The following PRMT8 variants were observed in gnomAD, a reference collection of about 807,000 sequenced individuals.
PRMT8 encodes protein arginine methyltransferase 8.
In PRMT8, 7 loss-of-function variants were observed where a neutral mutation model predicts 47.1. The observed-to-expected ratio is 0.15, with a 90% CI of 0.08 to 0.28. The LOEUF (loss-of-function observed/expected upper bound fraction) is 0.28, where lower values mean the gene tolerates loss of function less well. PRMT8 is among the 10% of genes least tolerant of loss of function. PRMT8 has a pLI of 1.00. For synonymous variants in PRMT8, 188 were observed against 186.5 expected (o/e 1.01, Z -0.07); for missense variants, 237 against 505.4 (o/e 0.47, Z 5.09).
chr12:3,405,563 C>A (rs531430578), intron 1 of PRMT8, among the ~76,000 whole-genome samples: 4 of 152,230 alleles, frequency 2.6e-5, no homozygotes, highest in Non-Finnish European at 5.9e-5. Context: ...AAGTTAGTTA[C>A]TTTGTAGATA....
chr12:3,578,770 C>T (rs567576416), intron 7 of PRMT8, among the ~76,000 whole-genome samples: 1 of 152,290 alleles, frequency 6.6e-6, no homozygotes, highest in South Asian at 2.1e-4. Flanking sequence ...GTCCTGGACA[C>T]AAGCCTTGCT....
At chr12:3,398,249 T>C (rs1487642023) in intron 1 of PRMT8, among the ~76,000 whole-genome samples, 1 of 152,174 alleles carries the variant, frequency 6.6e-6, no homozygotes, top group Non-Finnish European at 1.5e-5. Flanking sequence ...TTGGATTTTA[T>C]ACTGCAGGTA....
chr12:3,383,733 G>A (rs889505585), intron 1 of PRMT8, among the ~76,000 whole-genome samples: 2 of 152,124 alleles, frequency 1.3e-5, no homozygotes, highest in Admixed American at 6.5e-5. Flanking sequence ...TGTTTTACCC[G>A]CTCTAGGGCA....
intron 4 of PRMT8, among the ~76,000 whole-genome samples, chr12:3,560,705 A>C (rs769834549): frequency 2.0e-5 from 3 of 152,194 alleles, no homozygotes; most frequent in Admixed American, 6.5e-5. Flanking sequence ...CTTTTGCATG[A>C]CCTAAAGCAT....
intron 7 of PRMT8, among the ~76,000 whole-genome samples, chr12:3,577,887 A>C (rs546858882): frequency 2.6e-5 from 4 of 152,260 alleles, no homozygotes; most frequent in Admixed American, 6.5e-5. Flanking sequence ...TATTATTAAA[A>C]ATTCAAACAT....
At chr12:3,513,327 T>C (rs1057348188) in intron 1 of PRMT8, among the ~76,000 whole-genome samples, 1 of 152,214 alleles carries the variant, frequency 6.6e-6, no homozygotes, top group Non-Finnish European at 1.5e-5. Flanking sequence ...TGCAGACCCC[T>C]GACACCTAAA....
At position 3,464,773 on chromosome 12, in the gene PRMT8, C is replaced by G. The variant is rs370035869; in HGVS notation, c.49-75833C>G. Among the ~76,000 whole-genome samples, 7 of 152,252 alleles carry G rather than the reference C, an allele frequency of 4.6e-5. 1 individual carries two copies. The highest frequency in any genetic ancestry group is 1.3e-4 in the Admixed American group (2 of 15,290). ...ACTCAACTGTATCAACCAATCAGAA[C>G]TAAGCAAGTTTCAATCTTTCATTCG... On this transcript the variant is annotated intron_variant, in intron 1 of 9. Coordinates refer to the PRMT8 transcript ENST00000452611.
Position 3,425,929 on chromosome 12 carries a change from G to A in PRMT8, c.48+44487G>A, listed in dbSNP as rs1256431661. 4.6e-5 allele frequency among the ~76,000 whole-genome samples: 7 copies of A among 152,368 alleles called. No individual in the cohort carries two copies. The East Asian group carries it at 1.3e-3, about 29-fold the overall frequency. ...GCTCTTGAAAATTCTTAAGCTCACT[G>A]CATCCCTTCAGGTCTCCAAGGAACG... is the stretch of plus-strand genomic sequence containing the variant. On this transcript the variant is annotated intron_variant, in intron 1 of 9. Coordinates refer to the PRMT8 transcript ENST00000452611.
rs143772293 is a variant in PRMT8 at position 3,580,337 on chromosome 12, C to CAT, written c.829-2721_829-2720insAT. The stretch of plus-strand genomic sequence containing the variant: ...TCCTGCCAGATGGGGGGTGCGTGTG[C>CAT]GTGTGTGTGTGTGTGTGTGTGTGTG... On this transcript the variant is annotated intron_variant, in intron 7 of 9. Transcript: ENST00000382622. The surrounding 1 kb of genome is among the most constrained non-coding windows in gnomAD (Gnocchi z 4.6). 1.4e-5 allele frequency among the ~76,000 whole-genome samples: 2 copies of CAT among 145,538 alleles called. No individual in the cohort carries two copies. The highest frequency in any genetic ancestry group is 3.0e-5 in the Non-Finnish European group (2 of 65,892).
chr12:3,448,280 C>T (rs554857529), intron 1 of PRMT8, among the ~76,000 whole-genome samples: 1 of 152,308 alleles, frequency 6.6e-6, no homozygotes, highest in South Asian at 2.1e-4. Flanking sequence ...GTTGGAATTA[C>T]AGGCGTGAGC....
In PRMT8 at chr12:3,436,271, C is replaced by T. The variant is rs535954875; in HGVS notation, c.48+54829C>T. Among the ~76,000 whole-genome samples the T allele has an allele frequency of 5.3e-5, 8 of 152,140 alleles. No homozygotes were observed. Among genetic ancestry groups the T allele is most frequent in the Admixed American group, 1.3e-4 (2 of 15,276 alleles). On this transcript the variant is annotated intron_variant, in intron 1 of 9. Coordinates refer to the PRMT8 transcript ENST00000452611. This position sits in a 1 kb window ranked among gnomAD's most constrained non-coding sequence, Gnocchi z 4.2. ...TTTAGTTTTTCCTGTTGCATAGCTC[C>T]GTCACCTTCGTTTTTGACACTCACT...
intron 7 of PRMT8, among the ~76,000 whole-genome samples, chr12:3,581,852 G>A (rs1272541106): frequency 1.3e-5 from 2 of 152,196 alleles, no homozygotes; most frequent in Non-Finnish European, 2.9e-5. Context: ...TGTGGAGTTA[G>A]GACTTCTCTT....
chr12:3,471,673 T>C (rs1217079339), intron 1 of PRMT8, among the ~76,000 whole-genome samples: 1 of 151,802 alleles, frequency 6.6e-6, no homozygotes, highest in South Asian at 2.1e-4. Flanking sequence ...TTTTAGCCTC[T>C]AGTCACACGA....
chr12:3,523,940 G>A (rs1349683553), intron 1 of PRMT8, among the ~76,000 whole-genome samples: 3 of 152,168 alleles, frequency 2.0e-5, no homozygotes, highest in East Asian at 1.9e-4. Context: ...CATCCTAAAC[G>A]TTACTGATGA....
intron 1 of PRMT8, among the ~76,000 whole-genome samples, chr12:3,529,000 T>C (rs1332759883): frequency 6.6e-6 from 1 of 152,230 alleles, no homozygotes; most frequent in African/African-American, 2.4e-5. Context: ...GAAGTCCCTG[T>C]GTCTTTTCAG....
intron 1 of PRMT8, among the ~76,000 whole-genome samples, chr12:3,457,145 G>C (rs1214846687): frequency 6.6e-6 from 1 of 152,212 alleles, no homozygotes; most frequent in Non-Finnish European, 1.5e-5. Flanking sequence ...CAGCAGCAGT[G>C]TCTGAGTGAG....
chr12:3,490,675 A>AAGAGAGAGAGAGAGAGAGAGAG (rs370069857), upstream of PRMT8, among the ~76,000 whole-genome samples: 431 of 121,090 alleles, frequency 3.6e-3, 8 homozygotes, highest in Non-Finnish European at 4.9e-3. Flanking sequence ...TTTGGGTACA[A>AAGAGAGAGAGAGAGAGAGAGAG]AGAGAGAGAG....
chr12:3,519,133 C>T lies in PRMT8; in HGVS notation c.76-21473C>T, dbSNP rs560595810. 5.3e-5 allele frequency among the ~76,000 whole-genome samples: 8 copies of T among 151,982 alleles called. No individual in the cohort carries two copies. The East Asian group carries it at 7.8e-4, about 15-fold the overall frequency. ...TGGCAGAACTGTCCGTCTTTGCAGA[C>T]GGACAGAGGGGAGCCAGGGCCCAGC... is the stretch of plus-strand genomic sequence containing the variant. On this transcript the variant is annotated intron_variant, in intron 1 of 9. Transcript: ENST00000382622.
At chr12:3,441,121 A>G (rs1268647435) in intron 1 of PRMT8, among the ~76,000 whole-genome samples, 2 of 152,246 alleles carry the variant, frequency 1.3e-5, no homozygotes, top group Non-Finnish European at 2.9e-5. Context: ...TAACTCCAGC[A>G]TGTAAAAAAT....
Sources: allele counts gnomAD v4.1 joint callset (sites outside exome capture counted in the v4.1 genomes callset), GRCh38; gene constraint gnomAD v4.1.1; non-coding constraint Gnocchi (gnomAD v3.1); transcripts MANE v1.5; gene names NCBI Gene and HGNC (gene_info 2026-07-23, HGNC 2026-07-21).